Variants in MNAT1 observed in about 807,000 individuals in gnomAD.
MNAT1 encodes MNAT1 component of CDK activating kinase, also known as CDK-activating kinase assembly factor MAT1.
MNAT1 carries 43 observed loss-of-function variants against 42.0 expected under a neutral mutation model. The observed-to-expected ratio is 1.02, with a 90% CI of 0.80 to 1.32. The LOEUF (loss-of-function observed/expected upper bound fraction) is 1.32, where lower values mean the gene tolerates loss of function less well. Among genes scored for constraint, MNAT1 ranks in the 40% most tolerant of loss-of-function variants. The probability of loss-of-function intolerance (pLI) is 0.00; values close to 1 mark genes in which losing one functional copy is unlikely to be tolerated. For missense variants in MNAT1, 306 were observed against 350.4 expected, an observed-to-expected ratio of 0.87 and a Z score of 1.01; for synonymous variants, 118 against 120.0, an observed-to-expected ratio of 0.98 and a Z score of 0.11.
At chr14:60,816,593 G>A (rs1196995464) in intron 5 of MNAT1, among the ~76,000 whole-genome samples, 1 of 152,060 alleles carries the variant, frequency 6.6e-6, no homozygotes, top group Non-Finnish European at 1.5e-5. Context: ...ATTAAACAGT[G>A]TGCCTTCAGG....
intron 7 of MNAT1, among the ~76,000 whole-genome samples, chr14:60,890,533 A>G (rs1472833458): frequency 1.3e-5 from 2 of 152,166 alleles, no homozygotes; most frequent in Non-Finnish European, 2.9e-5. Flanking sequence ...TCTGCAAGCT[A>G]AGGAGCAAGG....
In MNAT1 at chr14:60,740,320, C is replaced by CTTA. The variant is rs1896428456; in HGVS notation, c.89+5370_89+5372dup. 6.6e-6 allele frequency among the ~76,000 whole-genome samples: 1 copy of CTTA among 152,142 alleles called. No homozygotes were observed. The highest frequency in any genetic ancestry group is 1.5e-5 in the Non-Finnish European group (1 of 68,016). ...TAAAGGCAATGTTTTGTGATAGTTA[C>CTTA]TTAACATCTTTCTCTTTCTTTTTTT... On this transcript the variant is annotated intron_variant, in intron 1 of 7. Transcript: ENST00000261245. The surrounding 1 kb of genome is among the most constrained non-coding windows in gnomAD (Gnocchi z 4.1).
intron 1 of MNAT1, among the ~76,000 whole-genome samples, chr14:60,790,508 C>T (rs535155047): frequency 6.6e-6 from 1 of 152,010 alleles, no homozygotes; most frequent in South Asian, 2.1e-4. Context: ...GCCCCCACTT[C>T]GACTTGTCCC....
chr14:60,836,340 T>A (rs970177438), intron 6 of MNAT1, among the ~76,000 whole-genome samples: 5 of 152,228 alleles, frequency 3.3e-5, no homozygotes, highest in African/African-American at 1.2e-4. Context: ...ATTTTCAGCC[T>A]TTTTGCACTG....
At chr14:60,745,976 T>C (rs555278700) in intron 1 of MNAT1, among the ~76,000 whole-genome samples, 4 of 152,066 alleles carry the variant, frequency 2.6e-5, no homozygotes, top group African/African-American at 7.2e-5. Flanking sequence ...AAGATTCTTC[T>C]GAAGGGGAGG....
rs545034194 is a variant in MNAT1 at position 60,784,905 on chromosome 14, T to C, written c.90-11312T>C. Among the ~76,000 whole-genome samples the C allele has an allele frequency of 1.3e-3, 193 of 152,268 alleles. 2 individuals are homozygous for C. Among genetic ancestry groups the C allele is most frequent in the African/African-American group, 4.5e-3 (188 of 41,558 alleles). ...CTCAACTCTGTTGCCTAGGCTGCAG[T>C]GCAGTGGTGTGATCTCAGCTCACTG... On this transcript the variant is annotated intron_variant, in intron 1 of 7. Transcript: ENST00000261245.
At chr14:60,937,133 G>C (rs1165606866) in intron 7 of MNAT1, among the ~76,000 whole-genome samples, 1 of 151,800 alleles carries the variant, frequency 6.6e-6, no homozygotes, top group Admixed American at 6.6e-5. Flanking sequence ...TTAGCCCTTT[G>C]TCAGAAGAGT....
intron 6 of MNAT1, among the ~76,000 whole-genome samples, chr14:60,837,912 T>C (rs1436644079): frequency 6.6e-6 from 1 of 152,186 alleles, no homozygotes; most frequent in Non-Finnish European, 1.5e-5. Flanking sequence ...GTTCTTAAGA[T>C]TGAGAATTTT....
chr14:60,930,206 T>TTTTTTATTATTATTATTA (rs71449542), intron 7 of MNAT1, among the ~76,000 whole-genome samples: 2 of 138,750 alleles, frequency 1.4e-5, no homozygotes, highest in Non-Finnish European at 3.1e-5. Flanking sequence ...TTCTTCCGTC[T>TTTTTTATTATTATTATTA]TTATTATTAT....
chr14:60,858,870 A>G (rs1444264876), intron 6 of MNAT1, among the ~76,000 whole-genome samples: 1 of 152,200 alleles, frequency 6.6e-6, no homozygotes, highest in Non-Finnish European at 1.5e-5. Context: ...ACATAATGCT[A>G]TTGCACACTT....
chr14:60,945,523 A>G (rs1478523179), intron 7 of MNAT1, among the ~76,000 whole-genome samples: 1 of 152,202 alleles, frequency 6.6e-6, no homozygotes, highest in Admixed American at 6.5e-5. Context: ...CTGTTACATG[A>G]GAGAAGGGCT....
chr14:60,885,289 C>T (rs1452530786), intron 7 of MNAT1, among the ~76,000 whole-genome samples: 10 of 151,830 alleles, frequency 6.6e-5, no homozygotes, highest in Non-Finnish European at 5.9e-5. Context: ...ACCCTCATCT[C>T]TCTCTCTGTC....
chr14:60,968,131 C>A (rs1594920309), intron 7 of MNAT1, 98 bp from the exon 8 acceptor site: 2 of 852,258 alleles, frequency 2.3e-6, no homozygotes, highest in East Asian at 2.5e-5. Context: ...CTCGGAATTC[C>A]TCTTTAAAAC....
chr14:60,860,569 G>A (rs1373199075), intron 6 of MNAT1, among the ~76,000 whole-genome samples: 1 of 151,866 alleles, frequency 6.6e-6, no homozygotes, highest in African/African-American at 2.4e-5. Flanking sequence ...TAGCCAGGAT[G>A]GTCTCCATCT....
At position 60,961,254 on chromosome 14, in the gene MNAT1, G is replaced by A. The variant is rs527693392; in HGVS notation, c.810-6975G>A. Among the ~76,000 whole-genome samples the A allele has an allele frequency of 3.3e-5, 5 of 152,304 alleles. 1 individual carries two copies. The South Asian group carries it at 6.2e-4, about 19-fold the overall frequency. ...TGGGATTACAGGCATGAGCCACCGC[G>A]CCCGGCCATCAGCTTTCTAATAATA... is the stretch of plus-strand genomic sequence containing the variant. On this transcript the variant is annotated intron_variant, in intron 7 of 7. Coordinates refer to ENST00000261245, the MANE Select transcript of MNAT1 (RefSeq NM_002431.4).
intron 7 of MNAT1, among the ~76,000 whole-genome samples, chr14:60,905,939 A>G (rs1454013557): frequency 1.3e-5 from 2 of 152,230 alleles, no homozygotes; most frequent in African/African-American, 4.8e-5. Context: ...AGCCCAGTCA[A>G]GTTGACACAT....
intron 1 of MNAT1, among the ~76,000 whole-genome samples, chr14:60,774,207 A>G (rs895210809): frequency 6.6e-6 from 1 of 152,210 alleles, no homozygotes; most frequent in African/African-American, 2.4e-5. Flanking sequence ...TTTTCCAGTA[A>G]GAGTCTTTCT....
At chr14:60,945,167 C>G (rs1268233363) in intron 7 of MNAT1, among the ~76,000 whole-genome samples, 1 of 152,176 alleles carries the variant, frequency 6.6e-6, no homozygotes, top group African/African-American at 2.4e-5. Flanking sequence ...AGGTATACTT[C>G]AGGGGTTAAG....
chr14:60,825,323 A>G (rs770009820), intron 6 of MNAT1, among the ~76,000 whole-genome samples: 11 of 152,204 alleles, frequency 7.2e-5, no homozygotes, highest in Non-Finnish European at 1.3e-4. Context: ...ATTAGTGTCA[A>G]TTTTTTACTG....
Sources: gnomAD v4.1 joint callset for allele counts (sites outside exome capture counted in the v4.1 genomes callset) on GRCh38, gnomAD v4.1.1 for gene constraint, Gnocchi (gnomAD v3.1) non-coding constraint, MANE v1.5 for transcripts, NCBI Gene and HGNC (gene_info 2026-07-23, HGNC 2026-07-21) for gene names.